The following SLC8A1 variants were observed in gnomAD, a reference collection of about 807,000 sequenced individuals.
The protein encoded by SLC8A1 is sodium/calcium exchanger 1.
SLC8A1 carries 18 observed loss-of-function variants against 68.3 expected under a neutral mutation model. The ratio of observed to expected loss-of-function variants is 0.26; its 90% CI spans 0.18 to 0.39. The LOEUF is 0.39. Ranked by LOEUF, SLC8A1 falls within the 10% of genes least tolerant of loss-of-function variation. SLC8A1 has a pLI of 1.00. For missense variants in SLC8A1, 985 were observed against 1,156.7 expected (o/e 0.85, Z 2.15); for synonymous variants, 475 against 415.5 (o/e 1.14, Z -1.74).
intron 2 of SLC8A1, among the ~76,000 whole-genome samples, chr2:40,393,461 TTC>T (rs1491047681): frequency 6.6e-6 from 1 of 152,162 alleles, no homozygotes; most frequent in Non-Finnish European, 1.5e-5. Flanking sequence ...CCAAATGATT[TTC>T]TGTCATCCCT....
intron 1 of SLC8A1, among the ~76,000 whole-genome samples, chr2:40,511,163 A>G (rs969131535): frequency 7.2e-5 from 11 of 151,942 alleles, no homozygotes; most frequent in Admixed American, 5.2e-4. Flanking sequence ...CTTTTTTCCC[A>G]CTCATACTCT....
chr2:40,317,228 T>C (rs1178473326), intron 2 of SLC8A1, among the ~76,000 whole-genome samples: 3 of 152,086 alleles, frequency 2.0e-5, no homozygotes, highest in African/African-American at 4.8e-5. Context: ...TTCGACTAAC[T>C]CCTCTCTGTT....
intron 2 of SLC8A1, among the ~76,000 whole-genome samples, chr2:40,212,576 C>A (rs1210036682): frequency 6.6e-6 from 1 of 152,140 alleles, no homozygotes; most frequent in East Asian, 1.9e-4. Flanking sequence ...AGCCACCATG[C>A]CTGGCCGAGA....
intron 2 of SLC8A1, among the ~76,000 whole-genome samples, chr2:40,236,417 T>C (rs2060378115): frequency 6.6e-6 from 1 of 152,226 alleles, no homozygotes; most frequent in South Asian, 2.1e-4. Flanking sequence ...AGACTAGGAT[T>C]GCAAACCCTG....
intron 2 of SLC8A1, among the ~76,000 whole-genome samples, chr2:40,389,517 G>A (rs946965430): frequency 4.0e-5 from 6 of 151,818 alleles, no homozygotes; most frequent in Admixed American, 3.3e-4. Context: ...GACAAAATGT[G>A]GTTACAAAAA....
chr2:40,149,078 T>C (rs1041943952), intron 6 of SLC8A1, among the ~76,000 whole-genome samples: 10 of 152,228 alleles, frequency 6.6e-5, no homozygotes, highest in African/African-American at 2.4e-4. Flanking sequence ...GGTCAAGGCC[T>C]GGTGCATATT....
chr2:40,402,090 C>T (rs1026890674), intron 2 of SLC8A1, among the ~76,000 whole-genome samples: 2 of 152,146 alleles, frequency 1.3e-5, no homozygotes, highest in Non-Finnish European at 2.9e-5. Context: ...GGACGCGATA[C>T]AGGTCAAAGG....
chr2:40,339,179 T>C (rs146791820), intron 2 of SLC8A1, among the ~76,000 whole-genome samples: 30 of 152,338 alleles, frequency 2.0e-4, no homozygotes, highest in East Asian at 9.6e-4. Flanking sequence ...TTAGTAAGCA[T>C]TGAAATGATA....
intron 2 of SLC8A1, among the ~76,000 whole-genome samples, chr2:40,330,064 A>C (rs545941567): frequency 6.6e-6 from 1 of 152,338 alleles, no homozygotes; most frequent in East Asian, 1.9e-4. Context: ...AAAACTTTTC[A>C]AAAAGTAGAT....
At chr2:40,365,420 G>A (rs555842611) in intron 2 of SLC8A1, among the ~76,000 whole-genome samples, 17 of 152,082 alleles carry the variant, frequency 1.1e-4, no homozygotes, top group South Asian at 6.2e-4. Flanking sequence ...ACAATTATCC[G>A]AATATTTGGT....
rs1402769943 is a variant in SLC8A1 at position 40,366,585 on chromosome 2, T to C, written c.1808+61888A>G. 2.0e-5 allele frequency among the ~76,000 whole-genome samples: 3 copies of C among 152,066 alleles called. No individual in the cohort carries two copies. In the East Asian group the frequency reaches 5.8e-4, roughly 29 times the overall value. On this transcript the variant is annotated intron_variant, in intron 2 of 7. Transcript: ENST00000406785. ...TGTAGATGCAATTATCCTCATTTTA[T>C]AGAGGAGGCAACAGGCTTAAAGAGG... is the stretch of plus-strand genomic sequence containing the variant.
intron 2 of SLC8A1, among the ~76,000 whole-genome samples, chr2:40,268,320 G>A (rs2065616536): frequency 6.6e-6 from 1 of 152,092 alleles, no homozygotes; most frequent in African/African-American, 2.4e-5. Context: ...AATGGCTCTA[G>A]GAATCTCCAT....
intron 2 of SLC8A1, among the ~76,000 whole-genome samples, chr2:40,185,134 A>G (rs566579436): frequency 5.9e-5 from 9 of 152,316 alleles, no homozygotes; most frequent in African/African-American, 2.2e-4. Flanking sequence ...ATGTAGAGAA[A>G]TTGGAACCCT....
intron 2 of SLC8A1, among the ~76,000 whole-genome samples, chr2:40,233,440 G>C (rs1207505935): frequency 6.8e-6 from 1 of 147,288 alleles, no homozygotes; most frequent in African/African-American, 2.5e-5. Flanking sequence ...TTTTGATGGG[G>C]TTGTTTGTTT....
intron 2 of SLC8A1, among the ~76,000 whole-genome samples, chr2:40,398,489 G>A (rs957917575): frequency 1.4e-4 from 22 of 152,128 alleles, no homozygotes; most frequent in African/African-American, 4.8e-4. Context: ...AGCAGAATAT[G>A]TGGATAAACA....
intron 2 of SLC8A1, among the ~76,000 whole-genome samples, chr2:40,318,434 A>T (rs574401183): frequency 6.6e-6 from 1 of 152,200 alleles, no homozygotes; most frequent in South Asian, 2.1e-4. Context: ...AATGTACTAC[A>T]TTAACTAATG....
At chr2:40,184,528 C>G (rs931097485) in intron 2 of SLC8A1, among the ~76,000 whole-genome samples, 1 of 152,176 alleles carries the variant, frequency 6.6e-6, no homozygotes, top group East Asian at 1.9e-4. Flanking sequence ...CGTTTACACT[C>G]ATGCACAGTG....
chr2:40,506,390 G>C (rs916319959), intron 1 of SLC8A1, among the ~76,000 whole-genome samples: 1 of 151,898 alleles, frequency 6.6e-6, no homozygotes, highest in Non-Finnish European at 1.5e-5. Flanking sequence ...TTTAGTCTGT[G>C]TTCCCCAAAA....
chr2:40,432,147 G>A (rs6719986), intron 1 of SLC8A1, among the ~76,000 whole-genome samples: 102,567 of 151,688 alleles, frequency 0.68, 36,540 homozygotes, highest in East Asian at 0.94. Flanking sequence ...AATGTTGGAA[G>A]ATCTAGTTCC....
Sources: allele counts gnomAD v4.1 joint callset (sites outside exome capture counted in the v4.1 genomes callset), GRCh38; gene constraint gnomAD v4.1.1; transcripts MANE v1.5; gene names NCBI Gene and HGNC (gene_info 2026-07-23, HGNC 2026-07-21).